The following DET1 variants were observed in gnomAD, a reference collection of about 807,000 sequenced individuals.
DET1 encodes the protein DET1 partner of COP1 E3 ubiquitin ligase, also known as DET1 homolog.
In DET1, 22 loss-of-function variants were observed where a neutral mutation model predicts 43.7. That is an observed-to-expected ratio of 0.50 (90% CI 0.36 to 0.72). The LOEUF is 0.72. Among genes scored for constraint, DET1 ranks in the 30% least tolerant of loss-of-function variants. DET1 has a pLI of 0.00. For synonymous variants in DET1, 315 were observed against 266.2 expected (o/e 1.18, Z -1.79); for missense variants, 713 against 713.3 (o/e 1.00, Z 0.00).
At chr15:88,538,875 C>T (rs1187908696) in intron 1 of DET1, among the ~76,000 whole-genome samples, 1 of 152,146 alleles carries the variant, frequency 6.6e-6, no homozygotes, top group African/African-American at 2.4e-5. Flanking sequence ...TCAGATTTGA[C>T]TTTGTTCTGG....
intron 1 of DET1, among the ~76,000 whole-genome samples, chr15:88,534,445 T>G (rs2056896264): frequency 6.6e-6 from 1 of 152,180 alleles, no homozygotes; most frequent in African/African-American, 2.4e-5. Context: ...CTCCTGCTGC[T>G]TGAAGAGCAA....
intron 3 of DET1, among the ~76,000 whole-genome samples, chr15:88,522,922 C>T (rs1229380304): frequency 6.6e-6 from 1 of 150,728 alleles, no homozygotes; most frequent in Non-Finnish European, 1.5e-5. Flanking sequence ...TACTTTGTCA[C>T]CTACTCTGGA....
chr15:88,527,242 T>G (rs1363108900), intron 3 of DET1, among the ~76,000 whole-genome samples: 2 of 152,208 alleles, frequency 1.3e-5, no homozygotes, highest in Non-Finnish European at 2.9e-5. Flanking sequence ...GGAGCAAAGA[T>G]AAATACATGT....
chr15:88,531,792 G>T lies in DET1; in HGVS notation c.-10-77C>A. On this transcript the variant is annotated intron_variant, in intron 1 of 4. Transcript: ENST00000268148. This position sits in a 1 kb window ranked among gnomAD's most constrained non-coding sequence, Gnocchi z 6.2. The stretch of plus-strand genomic sequence containing the variant: ...AATATAAATATATACAAGTGAAACA[G>T]ATTTCTCTTCTTATATCCTGAACCT... The T allele has an allele frequency of 2.9e-6, 4 of 1,368,498 alleles. No homozygotes were observed. The South Asian group carries it at 5.9e-5, about 20-fold the overall frequency. 84.8% of individuals were successfully genotyped at this position (1,368,498 alleles called of 1,614,324 possible).
intron 1 of DET1, among the ~76,000 whole-genome samples, chr15:88,544,756 C>G (rs1040615721): frequency 6.6e-6 from 1 of 152,078 alleles, no homozygotes; most frequent in Non-Finnish European, 1.5e-5. Context: ...TCGGTCAGGC[C>G]CCTTCTAAAA....
chr15:88,529,578 C>T (rs745766047), intron 2 of DET1, among the ~76,000 whole-genome samples: 4 of 152,210 alleles, frequency 2.6e-5, no homozygotes, highest in Non-Finnish European at 4.4e-5. Context: ...AGATATTTTA[C>T]CACAGGTAGC....
chr15:88,523,299 C>G (rs1209924859), intron 3 of DET1, among the ~76,000 whole-genome samples: 1 of 152,084 alleles, frequency 6.6e-6, no homozygotes, highest in African/African-American at 2.4e-5. Context: ...TTATTTTGAC[C>G]TATAAGGGTC....
chr15:88,519,801 A>C (rs1034946958), intron 3 of DET1, among the ~76,000 whole-genome samples: 1 of 152,040 alleles, frequency 6.6e-6, no homozygotes, highest in Admixed American at 6.6e-5. Context: ...AAAAACATAC[A>C]ATGCTCACTT....
intron 1 of DET1, among the ~76,000 whole-genome samples, chr15:88,544,713 C>T (rs1041408317): frequency 1.3e-5 from 2 of 152,184 alleles, no homozygotes; most frequent in South Asian, 4.1e-4. Flanking sequence ...AAAAGGCCAA[C>T]AGAGCCCTAC....
Position 88,530,604 on chromosome 15 carries a change from G to T in DET1, c.1083+19C>A, listed in dbSNP as rs748019082. On this transcript the variant is annotated intron_variant, in intron 2 of 4. Transcript: ENST00000268148. Reference sequence around the variant, plus strand: ...GCCAAGGAGATTAGACAAGTAAAAGGCAGGAGTGTACCTCATACCTGTGAT... The same window carrying T: ...GCCAAGGAGATTAGACAAGTAAAAGTCAGGAGTGTACCTCATACCTGTGAT... 1 of 1,567,162 alleles carries T rather than the reference G, an allele frequency of 6.4e-7. No homozygotes were observed. The highest frequency in any genetic ancestry group is 1.2e-5 in the South Asian group (1 of 82,752).
chr15:88,523,486 C>T (rs2056560981), intron 3 of DET1, among the ~76,000 whole-genome samples: 1 of 152,168 alleles, frequency 6.6e-6, no homozygotes, highest in Admixed American at 6.5e-5. Flanking sequence ...CCCTCTGATG[C>T]CAAGCCGAGG....
chr15:88,517,327 G>C (rs1205627545), intron 3 of DET1, among the ~76,000 whole-genome samples: 2 of 149,352 alleles, frequency 1.3e-5, no homozygotes, highest in Non-Finnish European at 3.0e-5. Context: ...CCAGGCTCAA[G>C]TGTTCCTCCC....
intron 1 of DET1, among the ~76,000 whole-genome samples, chr15:88,535,247 A>G (rs563524295): frequency 1.3e-5 from 2 of 152,258 alleles, no homozygotes; most frequent in East Asian, 3.9e-4. Flanking sequence ...AAACTCACTG[A>G]TGGGCTCAAG....
intron 7 of DET1, among the ~76,000 whole-genome samples, chr15:88,506,453 G>T: frequency 6.6e-6 from 1 of 150,416 alleles, no homozygotes; most frequent in Admixed American, 6.6e-5. Context: ...CAAGCAGAGG[G>T]TTATAGCTAT....
In DET1 at chr15:88,520,728, C is replaced by T. The variant is rs143398260; in HGVS notation, c.1272-3755G>A. On this transcript the variant is annotated intron_variant, in intron 3 of 4. Transcript: ENST00000268148. ...ATATAATTACTTACTATTCCCAATGCTACCACTCTGATCCAAGCCACCACT... is the reference window on the plus strand; with the variant it reads ...ATATAATTACTTACTATTCCCAATGTTACCACTCTGATCCAAGCCACCACT... 1.4e-3 allele frequency among the ~76,000 whole-genome samples: 213 copies of T among 152,348 alleles called. 1 individual carries two copies. Among genetic ancestry groups the T allele is most frequent in the South Asian group, 4.1e-3 (20 of 4,830 alleles).
downstream of DET1, among the ~76,000 whole-genome samples, chr15:88,511,057 C>A (rs2056195264): frequency 6.6e-6 from 1 of 152,160 alleles, no homozygotes; most frequent in South Asian, 2.1e-4. Flanking sequence ...CAGGCATGAG[C>A]CACCACGCCT....
rs2056338724 is a variant in DET1, at chr15:88,516,128, A to G, written c.1463+654T>C. Among the ~76,000 whole-genome samples the G allele has an allele frequency of 2.6e-5, 4 of 152,332 alleles. No homozygotes were observed. The South Asian group carries it at 8.3e-4, about 32-fold the overall frequency. On this transcript the variant is annotated intron_variant, in intron 4 of 4. Transcript: ENST00000268148. The surrounding 1 kb of genome is among the most constrained non-coding windows in gnomAD (Gnocchi z 4.4). Reference sequence around the variant, plus strand: ...AAAGACCTTCCAAGCTCCAGCCTATAGCCTCAGGAACACACCCCCCTTGAG... The same window carrying G: ...AAAGACCTTCCAAGCTCCAGCCTATGGCCTCAGGAACACACCCCCCTTGAG...
In DET1 at chr15:88,531,280, C is replaced by G. The variant is rs970315389; in HGVS notation, c.426G>C (p.Arg142=). The G allele has an allele frequency of 6.2e-7, 1 of 1,613,898 alleles. No homozygotes were observed. Among genetic ancestry groups the G allele is most frequent in the Non-Finnish European group, 8.5e-7 (1 of 1,179,846 alleles). ...NVAANGEHLN[R]ECSLFTDDCR... ...AGTCATCAGTGAAGAGACTACACTC[C>G]CGGTTCAGGTGCTCACCATTGGCCG... Residue 142 remains arginine, a synonymous_variant, in exon 2 of 5, where the codon CGG becomes CGC. Transcript: ENST00000268148. The surrounding 1 kb of genome is among the most constrained non-coding windows in gnomAD (Gnocchi z 6.2).
chr15:88,516,921 G>A lies in DET1; in HGVS notation c.1324C>T (p.Arg442Cys), dbSNP rs746725018. The change falls in exon 4 of 5, where the codon CGC (arginine) becomes TGC (cysteine). Residue 442 changes from arginine to cysteine, a missense_variant. By Grantham distance (180) the Arg-to-Cys change is radical (BLOSUM62 -3). Coordinates refer to ENST00000268148, the MANE Select transcript of DET1 (RefSeq NM_001144074.3). The surrounding 1 kb of genome is among the most constrained non-coding windows in gnomAD (Gnocchi z 4.4). ...ATGGGGAGCTGACCCAGCAGCCGGC[G>A]TACTGCCTCTGTGTGCCCTCCATAC... ...AKYGGHTEAV[R>C]RLLGQLPISA... 24 of 1,608,678 alleles carry A rather than the reference G, an allele frequency of 1.5e-5. No homozygotes were observed. The highest frequency in any genetic ancestry group is 2.2e-5 in the East Asian group (1 of 44,720).
Sources: allele counts gnomAD v4.1 joint callset (sites outside exome capture counted in the v4.1 genomes callset), GRCh38; gene constraint gnomAD v4.1.1; non-coding constraint Gnocchi (gnomAD v3.1); transcripts MANE v1.5; gene names NCBI Gene and HGNC (gene_info 2026-07-23, HGNC 2026-07-21).